SOX5: variants seen among roughly 807,000 people sequenced by gnomAD.
SOX5 encodes transcription factor SOX-5.
Under a neutral mutation model 92.0 loss-of-function variants are expected in SOX5, and 9 were observed. That is an observed-to-expected ratio of 0.10 (90% CI 0.06 to 0.17). The LOEUF (loss-of-function observed/expected upper bound fraction) is 0.17, where lower values mean the gene tolerates loss of function less well. Among genes scored for constraint, SOX5 ranks in the 10% least tolerant of loss-of-function variants. The probability of loss-of-function intolerance (pLI) is 1.00; values close to 1 mark genes in which losing one functional copy is unlikely to be tolerated. For missense variants in SOX5, 642 were observed against 944.5 expected, an observed-to-expected ratio of 0.68 and a Z score of 4.20; for synonymous variants, 344 against 336.3, an observed-to-expected ratio of 1.02 and a Z score of -0.25.
At chr12:24,428,873 G>A (rs931006168) in intron 1 of SOX5, among the ~76,000 whole-genome samples, 4 of 151,946 alleles carry the variant, frequency 2.6e-5, no homozygotes, top group African/African-American at 9.7e-5. Flanking sequence ...GTGTATGAGT[G>A]GGTGGAGCCT....
chr12:24,119,268 C>T (rs1948385379), intron 4 of SOX5, among the ~76,000 whole-genome samples: 1 of 151,992 alleles, frequency 6.6e-6, no homozygotes. Flanking sequence ...TCAGAGCGAA[C>T]AAAACATTGA....
At chr12:23,879,699 T>C (rs1317462094) in intron 2 of SOX5, among the ~76,000 whole-genome samples, 2 of 152,136 alleles carry the variant, frequency 1.3e-5, no homozygotes, top group Non-Finnish European at 2.9e-5. Flanking sequence ...AAACAACTTA[T>C]CAAGAAAAAT....
chr12:23,538,799 CT>C (rs67268404), intron 13 of SOX5, among the ~76,000 whole-genome samples: 57,255 of 107,802 alleles, frequency 0.53, 14,215 homozygotes, highest in Middle Eastern at 0.69. Flanking sequence ...CCAGCATTTT[CT>C]TTTTTTTTTT....
chr12:24,383,525 G>C (rs1156814655), intron 1 of SOX5, among the ~76,000 whole-genome samples: 1 of 152,134 alleles, frequency 6.6e-6, no homozygotes, highest in Non-Finnish European at 1.5e-5. Context: ...GGAGTAGCAT[G>C]ATAAAATTTT....
At chr12:24,162,790 C>G (rs1952910632) in intron 4 of SOX5, among the ~76,000 whole-genome samples, 1 of 152,186 alleles carries the variant, frequency 6.6e-6, no homozygotes, top group Middle Eastern at 3.4e-3. Context: ...TCTTTAACAA[C>G]AAACATACCT....
intron 3 of SOX5, among the ~76,000 whole-genome samples, chr12:24,253,241 T>C (rs1940501925): frequency 1.3e-5 from 2 of 148,882 alleles, no homozygotes; most frequent in African/African-American, 4.9e-5. Context: ...CAGCTCCTCA[T>C]AAAAATCATC....
chr12:24,280,271 G>A (rs536609008), intron 2 of SOX5, among the ~76,000 whole-genome samples: 1 of 152,118 alleles, frequency 6.6e-6, no homozygotes, highest in Non-Finnish European at 1.5e-5. Context: ...ATTGGTGGCT[G>A]CAAAACCACT....
intron 3 of SOX5, chr12:24,230,442 T>A (rs1436647327): frequency 6.6e-6 from 1 of 152,132 alleles, no homozygotes; most frequent in African/African-American, 2.4e-5. Context: ...TCTTTTTCCG[T>A]GGTTCCTGTC....
chr12:24,496,969 C>T (rs1490176673), intron 1 of SOX5, among the ~76,000 whole-genome samples: 1 of 152,202 alleles, frequency 6.6e-6, no homozygotes, highest in Non-Finnish European at 1.5e-5. Context: ...TCTGTTATGA[C>T]ACAGAGCTGT....
chr12:23,800,811 A>G (rs919789594), intron 3 of SOX5, among the ~76,000 whole-genome samples: 1 of 152,210 alleles, frequency 6.6e-6, no homozygotes, highest in African/African-American at 2.4e-5. Flanking sequence ...TCCATTAACA[A>G]CACCATATAT....
chr12:24,251,070 A>G lies in SOX5; in HGVS notation c.-77+26146T>C, dbSNP rs192369755. 5.2e-4 allele frequency among the ~76,000 whole-genome samples: 79 copies of G among 152,352 alleles called. No individual in the cohort carries two copies. In the Middle Eastern group the frequency reaches 0.01, roughly 20 times the overall value. On this transcript the variant is annotated intron_variant, in intron 3 of 4. Coordinates refer to the SOX5 transcript ENST00000446891. ...GGAGTTGGCAAATATGTTATTCTAC[A>G]TGGAAAGTGTTTGCGTAGCAGCAAC...
At chr12:24,301,385 A>C (rs1015315413) in intron 2 of SOX5, among the ~76,000 whole-genome samples, 2 of 152,214 alleles carry the variant, frequency 1.3e-5, no homozygotes, top group Non-Finnish European at 2.9e-5. Flanking sequence ...CTATGACTAT[A>C]TCTTATTACA....
chr12:23,898,279 C>G (rs1000862256), intron 1 of SOX5, among the ~76,000 whole-genome samples: 1 of 152,110 alleles, frequency 6.6e-6, no homozygotes, highest in African/African-American at 2.4e-5. Context: ...GTTATACAAA[C>G]GTTAGCATTT....
intron 2 of SOX5, among the ~76,000 whole-genome samples, chr12:24,318,532 T>G (rs1949920345): frequency 1.3e-5 from 2 of 152,192 alleles, no homozygotes; most frequent in Non-Finnish European, 2.9e-5. Context: ...AGACATGCTT[T>G]TATCTTGTTT....
At chr12:23,725,121 AGAG>A (rs2093044922) in intron 6 of SOX5, among the ~76,000 whole-genome samples, 1 of 152,234 alleles carries the variant, frequency 6.6e-6, no homozygotes, top group Non-Finnish European at 1.5e-5. Flanking sequence ...TATCATATTC[AGAG>A]GAGGAGAAAC....
At chr12:23,843,912 C>A (rs2096546717) in intron 3 of SOX5, among the ~76,000 whole-genome samples, 1 of 152,104 alleles carries the variant, frequency 6.6e-6, no homozygotes, top group African/African-American at 2.4e-5. Flanking sequence ...AAGACACACT[C>A]ATACTATAAT....
In SOX5 at chr12:23,895,774, T is replaced by C. The variant is rs748983592; in HGVS notation, c.270+19A>G. ...GGTCAAAAAGTGAGTGTAGGCACAA[T>C]AAACCATGAGAAACCTACCATTGTA... On this transcript the variant is annotated intron_variant, in intron 2 of 14. Coordinates refer to ENST00000451604, the MANE Select transcript of SOX5 (RefSeq NM_006940.6). 1.3e-6 allele frequency: 2 copies of C among 1,565,880 alleles called. No individual in the cohort carries two copies. The highest frequency in any genetic ancestry group is 1.1e-5 in the South Asian group (1 of 90,114).
chr12:24,439,729 C>G (rs923895259), intron 1 of SOX5, among the ~76,000 whole-genome samples: 3 of 151,898 alleles, frequency 2.0e-5, no homozygotes, highest in Admixed American at 1.3e-4. Context: ...CCCGTCTCTA[C>G]TAAAAATGAA....
chr12:23,796,503 T>C (rs975933867), intron 3 of SOX5, among the ~76,000 whole-genome samples: 3 of 152,006 alleles, frequency 2.0e-5, no homozygotes, highest in African/African-American at 7.2e-5. Flanking sequence ...TTAATGACAC[T>C]GAAAGCTGTA....
Sources: allele counts gnomAD v4.1 joint callset (sites outside exome capture counted in the v4.1 genomes callset), GRCh38; gene constraint gnomAD v4.1.1; transcripts MANE v1.5; gene names NCBI Gene and HGNC (gene_info 2026-07-23, HGNC 2026-07-21).